Variants in ASTN2 observed in about 807,000 individuals in gnomAD.
ASTN2 encodes the protein astrotactin 2.
ASTN2 carries 54 observed loss-of-function variants against 139.8 expected under a neutral mutation model. The observed-to-expected ratio is 0.39, with a 90% CI of 0.31 to 0.48. ASTN2 has a LOEUF of 0.48. Among genes scored for constraint, ASTN2 ranks in the 20% least tolerant of loss-of-function variants. The pLI, the probability that ASTN2 is intolerant of heterozygous loss-of-function variation, is 0.95. For missense variants in ASTN2, 1,565 were observed against 1,725.1 expected (o/e 0.91, Z 1.64); for synonymous variants, 756 against 719.5 (o/e 1.05, Z -0.81).
chr9:117,108,755 C>T (rs530857500), intron 4 of ASTN2, among the ~76,000 whole-genome samples: 251 of 152,282 alleles, frequency 1.6e-3, no homozygotes, highest in Non-Finnish European at 1.7e-3. Context: ...ATCTTGGGTG[C>T]ATTCAGATAT....
At chr9:117,037,031 C>A (rs1185151251) in intron 6 of ASTN2, among the ~76,000 whole-genome samples, 1 of 152,098 alleles carries the variant, frequency 6.6e-6, no homozygotes, top group Non-Finnish European at 1.5e-5. Context: ...TTCTATAGAA[C>A]AATGAACAAC....
intron 1 of ASTN2, among the ~76,000 whole-genome samples, chr9:117,312,759 C>A (rs1034559077): frequency 3.9e-5 from 6 of 152,160 alleles, no homozygotes; most frequent in African/African-American, 9.6e-5. Context: ...TGAACACAAC[C>A]ATTCCCCTCC....
At chr9:116,881,760 G>A (rs116815681) in intron 10 of ASTN2, among the ~76,000 whole-genome samples, 3,164 of 152,246 alleles carry the variant, frequency 0.021, 103 homozygotes, top group African/African-American at 0.069. Context: ...GTTGGTTTCC[G>A]TAATGGAAAT....
chr9:117,248,442 G>T (rs1026048769), intron 2 of ASTN2, among the ~76,000 whole-genome samples: 3 of 152,160 alleles, frequency 2.0e-5, no homozygotes, highest in African/African-American at 7.2e-5. Context: ...TCCATGCTAC[G>T]CAAAGTTCAC....
At chr9:116,785,895 C>T (rs1436619499) in intron 13 of ASTN2, among the ~76,000 whole-genome samples, 2 of 152,206 alleles carry the variant, frequency 1.3e-5, no homozygotes, top group African/African-American at 4.8e-5. Flanking sequence ...TAGACCTTTT[C>T]TGCTCAAATA....
chr9:117,200,107 T>A (rs1253543370), intron 3 of ASTN2, among the ~76,000 whole-genome samples: 6 of 151,614 alleles, frequency 4.0e-5, no homozygotes, highest in African/African-American at 1.4e-4. Context: ...ATACTTTAAG[T>A]TTTAGGGTAC....
chr9:116,900,647 G>A (rs1400509752), intron 10 of ASTN2, among the ~76,000 whole-genome samples: 1 of 152,138 alleles, frequency 6.6e-6, no homozygotes, highest in Non-Finnish European at 1.5e-5. Flanking sequence ...ACAGAATGGA[G>A]GCAAGGCAGG....
intron 21 of ASTN2, 43 bp from the exon 22 acceptor site, chr9:116,440,835 A>G (rs1425268993): frequency 2.5e-6 from 4 of 1,579,208 alleles, no homozygotes; most frequent in Non-Finnish European, 8.7e-7. Context: ...GGGTGGTGAA[A>G]AAAAGTAAGG....
At chr9:116,980,467 G>C (rs776307027) in intron 7 of ASTN2, among the ~76,000 whole-genome samples, 16 of 151,404 alleles carry the variant, frequency 1.1e-4, no homozygotes, top group Non-Finnish European at 2.4e-4. Context: ...TTTACATTTA[G>C]ACAAAACTAT....
intron 1 of ASTN2, among the ~76,000 whole-genome samples, chr9:117,367,458 T>C (rs1372889739): frequency 2.0e-5 from 3 of 152,172 alleles, no homozygotes; most frequent in Non-Finnish European, 4.4e-5. Flanking sequence ...ATGCGTTTTC[T>C]GTAAAGAAGG....
At chr9:116,844,265 C>T (rs1313576539) in intron 11 of ASTN2, among the ~76,000 whole-genome samples, 1 of 152,158 alleles carries the variant, frequency 6.6e-6, no homozygotes, top group Non-Finnish European at 1.5e-5. Flanking sequence ...TCTTTTTCTC[C>T]CATGTTCATT....
chr9:117,414,412 A>T lies in ASTN2; in HGVS notation c.442+85T>A, dbSNP rs1831265016. 3.8e-6 allele frequency: 6 copies of T among 1,562,602 alleles called. No homozygotes were observed. In the African/African-American group the frequency reaches 7.0e-5, roughly 18 times the overall value. ...CCACTCGGGGCAGCCCCGGGCAGGGATCCCCAGGGCGCCCCCACCCGTCCG... is the reference window on the plus strand; with the variant it reads ...CCACTCGGGGCAGCCCCGGGCAGGGTTCCCCAGGGCGCCCCCACCCGTCCG... On this transcript the variant is annotated intron_variant, in intron 1 of 22. Coordinates refer to ENST00000313400, the MANE Select transcript of ASTN2 (RefSeq NM_001365068.1). This position sits in a 1 kb window ranked among gnomAD's most constrained non-coding sequence, Gnocchi z 4.2.
chr9:116,668,319 G>A lies in ASTN2; in HGVS notation c.2807-16526C>T, dbSNP rs555883163. Reference sequence around the variant, plus strand: ...CGATTCTCCCGCCTCAGCCTCCTGAGTAGCTGGGATTATAGGCACCCGCCA... The same window carrying A: ...CGATTCTCCCGCCTCAGCCTCCTGAATAGCTGGGATTATAGGCACCCGCCA... On this transcript the variant is annotated intron_variant, in intron 16 of 22. Transcript: ENST00000313400. 3.9e-5 allele frequency among the ~76,000 whole-genome samples: 6 copies of A among 152,012 alleles called. No individual in the cohort carries two copies. The South Asian group carries it at 1.3e-3, about 32-fold the overall frequency.
At chr9:116,990,375 TCCTGCCTCCGCCTCCC>T in intron 7 of ASTN2, among the ~76,000 whole-genome samples, 1 of 29,312 alleles carries the variant, frequency 3.4e-5, no homozygotes, top group East Asian at 2.5e-3. Context: ...CAAGCGATTC[TCCTGCCTCCGCCTCCC>T]GAGTAGCTGG....
intron 6 of ASTN2, among the ~76,000 whole-genome samples, chr9:117,013,000 C>T (rs998418355): frequency 1.3e-5 from 2 of 152,192 alleles, no homozygotes; most frequent in African/African-American, 4.8e-5. Context: ...TAAGGCAAAG[C>T]ATGACTGTCT....
intron 5 of ASTN2, among the ~76,000 whole-genome samples, chr9:117,045,287 T>C (rs1838700313): frequency 6.7e-6 from 1 of 149,048 alleles, no homozygotes; most frequent in African/African-American, 2.5e-5. Context: ...GCTAAATAAA[T>C]TAAATGATAG....
intron 16 of ASTN2, among the ~76,000 whole-genome samples, chr9:116,707,886 AGACAAATAGATAT>A (rs1246210644): frequency 1.3e-5 from 2 of 152,184 alleles, no homozygotes; most frequent in African/African-American, 4.8e-5. Flanking sequence ...CATGTTAGGA[AGACAAATAGATAT>A]GCCTCATCTT....
intron 11 of ASTN2, among the ~76,000 whole-genome samples, chr9:116,841,290 T>A (rs1017338012): frequency 5.9e-5 from 9 of 151,914 alleles, no homozygotes; most frequent in African/African-American, 2.2e-4. Context: ...GGCAGGAGAA[T>A]CAGGCAGGGA....
chr9:116,906,138 C>G (rs181084827), intron 10 of ASTN2, among the ~76,000 whole-genome samples: 1 of 152,082 alleles, frequency 6.6e-6, no homozygotes, highest in African/African-American at 2.4e-5. Flanking sequence ...TTGCAAGGAC[C>G]CTGCCCCCAA....
Sources: gnomAD v4.1 joint callset for allele counts (sites outside exome capture counted in the v4.1 genomes callset) on GRCh38, gnomAD v4.1.1 for gene constraint, Gnocchi (gnomAD v3.1) non-coding constraint, MANE v1.5 for transcripts, NCBI Gene and HGNC (gene_info 2026-07-23, HGNC 2026-07-21) for gene names.